Variants in NLK observed in about 807,000 individuals in gnomAD.
NLK encodes serine/threonine-protein kinase NLK.
A neutral mutation model predicts 59.0 loss-of-function variants in NLK; 11 were observed. That is an observed-to-expected ratio of 0.19 (90% confidence interval 0.12 to 0.31). NLK has a LOEUF of 0.31. NLK is among the 10% of genes least tolerant of loss of function. The pLI is 1.00. For missense variants in NLK, 410 were observed against 661.1 expected (o/e 0.62, Z 4.16); for synonymous variants, 235 against 235.9 (o/e 1.00, Z 0.03).
chr17:28,108,856 A>C (rs542645703), intron 1 of NLK, among the ~76,000 whole-genome samples: 1 of 152,302 alleles, frequency 6.6e-6, no homozygotes, highest in Admixed American at 6.5e-5. Flanking sequence ...CATCCCAGAC[A>C]TAGGGAATCA....
chr17:28,121,037 A>T (rs539744763), intron 1 of NLK, among the ~76,000 whole-genome samples: 1 of 152,180 alleles, frequency 6.6e-6, no homozygotes, highest in African/African-American at 2.4e-5. Context: ...CTAAACTTTA[A>T]TTAATAACTT....
Position 28,168,743 on chromosome 17 carries a change from C to T in NLK, c.1047+86C>T, listed in dbSNP as rs556385748. ...CTTGCACATGTGTCTTGGGCTTATT[C>T]ATTATACTGTCTAATTTGCTTTTAG... On this transcript the variant is annotated intron_variant, in intron 6 of 10. Coordinates refer to ENST00000407008, the MANE Select transcript of NLK (RefSeq NM_016231.5). 3.0e-6 allele frequency: 3 copies of T among 1,005,784 alleles called. No homozygotes were observed. In the African/African-American group the frequency reaches 4.8e-5, roughly 16 times the overall value. 62.3% of individuals were successfully genotyped at this position (1,005,784 alleles called of 1,614,324 possible).
intron 3 of NLK, among the ~76,000 whole-genome samples, chr17:28,140,930 A>G (rs560348532): frequency 6.6e-6 from 1 of 152,198 alleles, no homozygotes; most frequent in East Asian, 1.9e-4. Flanking sequence ...TATATTTTCA[A>G]TATCTCTAGT....
chr17:28,071,028 T>C (rs1446711759), intron 1 of NLK, among the ~76,000 whole-genome samples: 2 of 152,226 alleles, frequency 1.3e-5, no homozygotes, highest in East Asian at 3.8e-4. Context: ...GCCTGATAGT[T>C]CTTTGCTGTG....
intron 1 of NLK, among the ~76,000 whole-genome samples, chr17:28,049,232 T>C (rs1909165716): frequency 6.6e-6 from 1 of 152,248 alleles, no homozygotes; most frequent in Admixed American, 6.5e-5. Context: ...AGATTGAACT[T>C]TAACTCTTAG....
At chr17:28,076,778 A>G (rs1399001294) in intron 1 of NLK, among the ~76,000 whole-genome samples, 3 of 152,170 alleles carry the variant, frequency 2.0e-5, no homozygotes, top group Admixed American at 2.0e-4. Context: ...AGAGAGGGTT[A>G]GTATCATTGG....
chr17:28,083,632 T>TTTG (rs1002275067), intron 1 of NLK, among the ~76,000 whole-genome samples: 19 of 152,138 alleles, frequency 1.2e-4, no homozygotes, highest in East Asian at 3.9e-4. Flanking sequence ...TTTTATGATT[T>TTTG]TTGTTGTTGT....
intron 8 of NLK, among the ~76,000 whole-genome samples, chr17:28,189,802 A>G (rs768538772): frequency 1.3e-5 from 2 of 152,254 alleles, no homozygotes; most frequent in Non-Finnish European, 2.9e-5. Flanking sequence ...AGACTTCAAA[A>G]GAGCTAGATC....
At chr17:28,159,132 G>T (rs1395385873) in intron 3 of NLK, among the ~76,000 whole-genome samples, 1 of 152,202 alleles carries the variant, frequency 6.6e-6, no homozygotes, top group Admixed American at 6.5e-5. Context: ...AATAGCTAAG[G>T]CCTAAGGTTG....
intron 1 of NLK, among the ~76,000 whole-genome samples, chr17:28,072,517 A>G (rs985930699): frequency 6.6e-6 from 1 of 151,742 alleles, no homozygotes; most frequent in Non-Finnish European, 1.5e-5. Context: ...TTGTAGAGAC[A>G]GGGTCTCACT....
At chr17:28,180,480 T>C (rs1029185488) in intron 7 of NLK, among the ~76,000 whole-genome samples, 2 of 152,192 alleles carry the variant, frequency 1.3e-5, no homozygotes, top group Non-Finnish European at 2.9e-5. Context: ...GTAGCAATGA[T>C]GTTAGGAGGC....
chr17:28,111,321 G>A (rs1032597246), intron 1 of NLK, among the ~76,000 whole-genome samples: 8 of 151,950 alleles, frequency 5.3e-5, no homozygotes, highest in Admixed American at 1.3e-4. Flanking sequence ...CAAGTAACTG[G>A]GATTACAGAT....
chr17:28,178,497 AAAG>A (rs779455965), intron 7 of NLK, among the ~76,000 whole-genome samples: 8 of 152,254 alleles, frequency 5.3e-5, no homozygotes, highest in Non-Finnish European at 8.8e-5. Flanking sequence ...CGTATCTATT[AAAG>A]AAGATAGTTC....
intron 3 of NLK, among the ~76,000 whole-genome samples, chr17:28,135,319 T>A (rs1307525813): frequency 6.6e-6 from 1 of 152,142 alleles, no homozygotes; most frequent in African/African-American, 2.4e-5. Flanking sequence ...TGTTCAAGGT[T>A]TTTATTGTGG....
intron 7 of NLK, among the ~76,000 whole-genome samples, chr17:28,178,085 ACCT>A (rs1360360810): frequency 2.0e-5 from 3 of 152,142 alleles, no homozygotes; most frequent in Non-Finnish European, 4.4e-5. Flanking sequence ...GTCATATGTG[ACCT>A]CCTAGCTGCA....
At chr17:28,181,430 G>A (rs763383510) in intron 7 of NLK, among the ~76,000 whole-genome samples, 7 of 151,584 alleles carry the variant, frequency 4.6e-5, no homozygotes, top group Non-Finnish European at 8.8e-5. Flanking sequence ...AAAGCCAGCC[G>A]TGGTGGCACA....
chr17:28,090,569 G>GT (rs1450130244), intron 1 of NLK, among the ~76,000 whole-genome samples: 2 of 151,686 alleles, frequency 1.3e-5, no homozygotes, highest in East Asian at 1.9e-4. Flanking sequence ...TTTTTGAAAG[G>GT]TTTTTTTAGC....
At chr17:28,085,003 A>G (rs1329235278) in intron 1 of NLK, among the ~76,000 whole-genome samples, 1 of 152,240 alleles carries the variant, frequency 6.6e-6, no homozygotes, top group African/African-American at 2.4e-5. Flanking sequence ...GTGTAGTCTA[A>G]TGCCAAGGTT....
At chr17:28,099,315 G>A (rs1218037233) in intron 1 of NLK, among the ~76,000 whole-genome samples, 1 of 151,744 alleles carries the variant, frequency 6.6e-6, no homozygotes, top group Non-Finnish European at 1.5e-5. Flanking sequence ...TGTGAATTTT[G>A]TACACAGTAC....
Sources: allele counts gnomAD v4.1 joint callset (sites outside exome capture counted in the v4.1 genomes callset), GRCh38; gene constraint gnomAD v4.1.1; transcripts MANE v1.5; gene names NCBI Gene and HGNC (gene_info 2026-07-23, HGNC 2026-07-21).